Variants in ANAPC15 observed in about 807,000 individuals in gnomAD.
The protein encoded by ANAPC15 is anaphase-promoting complex subunit 15.
ANAPC15 carries 13 observed loss-of-function variants against 19.8 expected under a neutral mutation model. The ratio of observed to expected loss-of-function variants is 0.66; its 90% CI spans 0.43 to 1.04. The LOEUF is 1.04. Ranked by LOEUF, ANAPC15 falls within the 50% of genes least tolerant of loss-of-function variation. The pLI is 0.00. For missense variants in ANAPC15, 88 were observed against 150.3 expected (o/e 0.59, Z 2.17); for synonymous variants, 45 against 50.7 (o/e 0.89, Z 0.47).
chr11:72,109,455 T>G (rs908730197), downstream of ANAPC15: 2 of 408,284 alleles, frequency 4.9e-6, no homozygotes, highest in African/African-American at 4.2e-5. Context: ...AGGGATGCCC[T>G]GGCCTTCCCT....
At chr11:72,109,528 C>T (rs545429308), downstream of ANAPC15, 3 of 405,772 alleles carry the variant, frequency 7.4e-6, no homozygotes, top group African/African-American at 6.1e-5. Context: ...CTTCCTAAAG[C>T]CCAAAAGAAG....
At chr11:72,111,763 C>A (rs188151392) in intron 1 of ANAPC15, among the ~76,000 whole-genome samples, 1 of 152,246 alleles carries the variant, frequency 6.6e-6, no homozygotes, top group African/African-American at 2.4e-5. Context: ...CCACACCCAC[C>A]CAGTGTCAGA....
chr11:72,107,707 T>G, downstream of ANAPC15: 1 of 619,512 alleles, frequency 1.6e-6, no homozygotes, highest in Non-Finnish European at 2.9e-6. Context: ...CAAGGAGTAA[T>G]AAGGTCAGAT....
At chr11:72,108,094 G>A (rs781148680), downstream of ANAPC15, 8 of 1,529,920 alleles carry the variant, frequency 5.2e-6, no homozygotes, top group Admixed American at 2.0e-5. Context: ...AAACTCATCC[G>A]CCTGGCCGGC....
chr11:72,111,066 G>T, intron 3 of ANAPC15, 91 bp downstream of exon 3: 4 of 916,212 alleles, frequency 4.4e-6, no homozygotes, highest in South Asian at 1.5e-5. Flanking sequence ...CTCTTCCTGG[G>T]TAGATTTCTG....
At position 72,111,136 on chromosome 11, in the gene ANAPC15, C is replaced by T. The variant is rs1468862287; in HGVS notation, c.120+21G>A. The T allele has an allele frequency of 2.2e-6, 3 of 1,334,150 alleles. No homozygotes were observed. The Admixed American group carries it at 6.1e-5, about 27-fold the overall frequency. The allele number at this position is 1,334,150 out of a possible 1,614,324, so 82.6% of individuals were successfully genotyped here. A position where few individuals can be genotyped will look rare whatever the true frequency, so the allele number is the denominator to read the frequency against. ...CTCTGTCTGTGCTGAGGTCTCTGTG[C>T]TGTGCTAGCTGCTCACTCACCCAGG... On this transcript the variant is annotated intron_variant, in intron 3 of 5. Transcript: ENST00000227618.
At chr11:72,108,679 C>A (rs1945989858), downstream of ANAPC15, 3 of 1,540,720 alleles carry the variant, frequency 1.9e-6, no homozygotes, top group South Asian at 1.2e-5. Flanking sequence ...GTCGGGCAGA[C>A]CTGGTGCTCC....
intron 5 of ANAPC15, 54 bp downstream of exon 5, chr11:72,110,034 G>A: frequency 6.2e-7 from 1 of 1,614,008 alleles, no homozygotes; most frequent in South Asian, 1.1e-5. Flanking sequence ...GCCATCAACT[G>A]GGTCAGGAGC....
intron 3 of ANAPC15, 36 bp downstream of exon 3, chr11:72,111,121 G>T: frequency 7.1e-7 from 1 of 1,402,716 alleles, no homozygotes; most frequent in Non-Finnish European, 1.0e-6. Context: ...CTCTGTCTGT[G>T]CTGAGGTCTC....
Position 72,110,551 on chromosome 11 carries a change from GC to G in ANAPC15, c.172del (p.Ala58ProfsTer35). On this transcript the variant is annotated frameshift_variant, in exon 4 of 6. Coordinates refer to ENST00000227618, the MANE Select transcript of ANAPC15 (RefSeq NM_014042.3). LOFTEE classifies it high-confidence loss of function. Reference protein sequence around the residue: ...DNNLVPIGKPASEHYDDEEEE... With the variant: ...DNNLVPIGKPXSEHYDDEEEE... The stretch of plus-strand genomic sequence containing the variant: ...CCTGCTAGAGCCACTCACCTCTGAG[GC>G]TGGCTTGCCAATAGGAACCAGGTTG... 6.2e-7 allele frequency: 1 copy of G among 1,614,220 alleles called. No individual in the cohort carries two copies.
intron 1 of ANAPC15, chr11:72,112,436 C>T (rs1197496073): frequency 3.8e-6 from 1 of 266,378 alleles, no homozygotes; most frequent in African/African-American, 2.3e-5. Flanking sequence ...GAAAGAAATG[C>T]TGGGTGACAG....
downstream of ANAPC15, chr11:72,108,184 G>T: frequency 7.3e-7 from 1 of 1,378,246 alleles, no homozygotes; most frequent in Non-Finnish European, 9.6e-7. Context: ...GACATCCCTT[G>T]TGAAGGACTC....
downstream of ANAPC15, chr11:72,107,703 G>A (rs539929174): frequency 5.2e-5 from 32 of 619,870 alleles, no homozygotes; most frequent in African/African-American, 5.3e-4. Context: ...GAGCCAAGGA[G>A]TAATAAGGTC....
downstream of ANAPC15, chr11:72,107,724 GA>G (rs1945827285): frequency 1.6e-6 from 1 of 627,304 alleles, no homozygotes; most frequent in Non-Finnish European, 2.8e-6. Flanking sequence ...AGATTTGTTG[GA>G]AAGATTCCAG....
In ANAPC15 at chr11:72,110,217, A is replaced by T. The variant is rs199779840; in HGVS notation, c.189T>A (p.Asp63Glu). 5.6e-6 allele frequency: 9 copies of T among 1,613,646 alleles called. No homozygotes were observed. Among genetic ancestry groups the T allele is most frequent in the African/African-American group, 4.0e-5 (3 of 74,926 alleles). ...PIGKPASEHY[D>E]DEEEEDDEDD... ...CTTCATCATCCTCTTCTTCCTCGTCATCATAGTGCTGGTGGGCAGGACAGA... is the reference window on the plus strand; with the variant it reads ...CTTCATCATCCTCTTCTTCCTCGTCTTCATAGTGCTGGTGGGCAGGACAGA... Residue 63 changes from aspartate to glutamate, a missense_variant, in exon 5 of 6, where the codon GAT (aspartate) becomes GAA (glutamate). Physicochemically the swap from Asp to Glu is conservative, Grantham distance 45 (BLOSUM62 2). Coordinates refer to ENST00000227618, the MANE Select transcript of ANAPC15 (RefSeq NM_014042.3).
At chr11:72,109,958 G>A (rs1946252330) in intron 5 of ANAPC15, 30 bp from the exon 6 acceptor site, 2 of 1,613,994 alleles carry the variant, frequency 1.2e-6, no homozygotes, top group East Asian at 4.5e-5. Flanking sequence ...TGGGTGGGGA[G>A]GGGCCTCAGC....
At chr11:72,109,271 T>C, downstream of ANAPC15, 1 of 454,924 alleles carries the variant, frequency 2.2e-6, no homozygotes, top group Admixed American at 2.8e-5. Flanking sequence ...CGAAGGAAGC[T>C]GGATGGGAGA....
In ANAPC15 at chr11:72,110,480, A is replaced by T. The variant is rs370124771; in HGVS notation, c.180+64T>A. On this transcript the variant is annotated intron_variant, in intron 4 of 5. Transcript: ENST00000227618. ...TCTGGGTCAGAGACAGGACATTCAG[A>T]ATTAGAGCAGAGCCTCGGTCCACTG... 6 of 1,604,294 alleles carry T rather than the reference A, an allele frequency of 3.7e-6. No homozygotes were observed. In the East Asian group the frequency reaches 6.7e-5, roughly 18 times the overall value.
At chr11:72,109,186 G>C, downstream of ANAPC15, 1 of 513,420 alleles carries the variant, frequency 1.9e-6, no homozygotes, top group East Asian at 3.6e-5. Flanking sequence ...TCCCGACCCA[G>C]CTCTGTCACT....
Sources: allele counts gnomAD v4.1 joint callset (sites outside exome capture counted in the v4.1 genomes callset), GRCh38; gene constraint gnomAD v4.1.1; transcripts MANE v1.5; gene names NCBI Gene and HGNC (gene_info 2026-07-23, HGNC 2026-07-21).